The following LINGO2 variants were observed in gnomAD, a reference collection of about 807,000 sequenced individuals.
LINGO2 encodes leucine rich repeat and Ig domain containing 2.
In LINGO2, 14 loss-of-function variants were observed where a neutral mutation model predicts 30.6. The observed-to-expected ratio is 0.46, with a 90% CI of 0.30 to 0.72. The LOEUF is 0.72. LINGO2 is among the 30% of genes least tolerant of loss of function. The pLI is 0.07. For missense variants in LINGO2, 729 were observed against 751.7 expected, an observed-to-expected ratio of 0.97 and a Z score of 0.35; for synonymous variants, 317 against 288.5, an observed-to-expected ratio of 1.10 and a Z score of -1.00.
At position 28,220,194 on chromosome 9, in the gene LINGO2, CGT is replaced by C. The variant is rs1820907979; in HGVS notation, c.-87+75012_-87+75013del. On this transcript the variant is annotated intron_variant, in intron 4 of 5. Transcript: ENST00000379992. ...AAGGGACTAGAGAGTCTGGGATTTT[CGT>C]ATCTCTGGGAGTCCTGGAACCAATT... Among the ~76,000 whole-genome samples the C allele has an allele frequency of 1.1e-4, 17 of 152,144 alleles. No homozygotes were observed. The South Asian group carries it at 3.3e-3, about 30-fold the overall frequency.
At chr9:28,539,708 T>C (rs971304710) in intron 1 of LINGO2, among the ~76,000 whole-genome samples, 5 of 152,172 alleles carry the variant, frequency 3.3e-5, no homozygotes, top group African/African-American at 1.2e-4. Flanking sequence ...ATGAGGTGCA[T>C]AGATAAATCA....
At chr9:28,054,455 T>A (rs1587778833) in intron 4 of LINGO2, among the ~76,000 whole-genome samples, 1 of 152,138 alleles carries the variant, frequency 6.6e-6, no homozygotes, top group Non-Finnish European at 1.5e-5. Flanking sequence ...TACTGACATA[T>A]ATACACACAA....
chr9:28,187,473 G>A (rs554308408), intron 4 of LINGO2, among the ~76,000 whole-genome samples: 1 of 140,998 alleles, frequency 7.1e-6, no homozygotes, highest in Non-Finnish European at 1.5e-5. Flanking sequence ...CTGAGTGACA[G>A]AGCGAGACTC....
chr9:28,016,967 C>T (rs1822872329), intron 4 of LINGO2, among the ~76,000 whole-genome samples: 1 of 152,128 alleles, frequency 6.6e-6, no homozygotes, highest in South Asian at 2.1e-4. Context: ...CCAAAACCTG[C>T]AGCATATAAA....
intron 4 of LINGO2, among the ~76,000 whole-genome samples, chr9:28,190,380 C>A (rs1246823407): frequency 6.6e-6 from 1 of 152,112 alleles, no homozygotes; most frequent in Non-Finnish European, 1.5e-5. Flanking sequence ...TTGCAATGAA[C>A]CGAATATTTT....
chr9:28,944,757 AC>A, the LINGO2 span, among the ~76,000 whole-genome samples: 1 of 152,152 alleles, frequency 6.6e-6, no homozygotes, highest in African/African-American at 2.4e-5. Flanking sequence ...AAGCTTAATC[AC>A]TAATAATTGA....
the LINGO2 span, among the ~76,000 whole-genome samples, chr9:29,118,626 G>A: frequency 1.9e-3 from 293 of 152,242 alleles, 1 homozygote; most frequent in African/African-American, 6.7e-3. Flanking sequence ...CCCTGAGCAT[G>A]ATCCCAGCTA....
At chr9:29,030,225 A>G in the LINGO2 span, among the ~76,000 whole-genome samples, 1 of 152,114 alleles carries the variant, frequency 6.6e-6, no homozygotes, top group Non-Finnish European at 1.5e-5. Flanking sequence ...GAAAAGTATT[A>G]TTTTATCAGA....
At chr9:28,684,175 C>CTTTTTTTTTTTTTTTTTTT in the LINGO2 span, among the ~76,000 whole-genome samples, 1 of 45,430 alleles carries the variant, frequency 2.2e-5, no homozygotes, top group Non-Finnish European at 3.8e-5. Context: ...AAATGTTTAT[C>CTTTTTTTTTTTTTTTTTTT]TTTTTTTTTT....
chr9:28,630,788 C>G (rs1826900855), intron 1 of LINGO2, among the ~76,000 whole-genome samples: 1 of 152,094 alleles, frequency 6.6e-6, no homozygotes, highest in African/African-American at 2.4e-5. Context: ...GTAGAATCTA[C>G]AGCTAATACT....
chr9:28,104,610 C>A (rs1278008925), intron 4 of LINGO2, among the ~76,000 whole-genome samples: 2 of 151,682 alleles, frequency 1.3e-5, no homozygotes, highest in Admixed American at 6.6e-5. Context: ...GATGGAACAC[C>A]CTGACTCTCC....
At chr9:28,889,795 C>A in the LINGO2 span, among the ~76,000 whole-genome samples, 1 of 151,988 alleles carries the variant, frequency 6.6e-6, no homozygotes. Context: ...TCTAAGAAGA[C>A]AGGCTCAGTT....
At chr9:28,762,381 C>G in the LINGO2 span, among the ~76,000 whole-genome samples, 6 of 151,900 alleles carry the variant, frequency 3.9e-5, no homozygotes, top group Non-Finnish European at 7.4e-5. Context: ...CCATTTTACT[C>G]CCCCAAGGTG....
At chr9:28,443,201 C>T (rs1417982691) in intron 2 of LINGO2, among the ~76,000 whole-genome samples, 1 of 152,196 alleles carries the variant, frequency 6.6e-6, no homozygotes. Flanking sequence ...AAGGTTCTGG[C>T]TGGGTAAATA....
chr9:29,089,564 C>T, the LINGO2 span, among the ~76,000 whole-genome samples: 1 of 152,050 alleles, frequency 6.6e-6, no homozygotes, highest in Admixed American at 6.6e-5. Context: ...AGTTTATATA[C>T]TCTCATTCTC....
intron 2 of LINGO2, among the ~76,000 whole-genome samples, chr9:28,402,930 G>A (rs559016200): frequency 1.2e-4 from 18 of 152,176 alleles, no homozygotes; most frequent in South Asian, 1.0e-3. Context: ...AAATCACATC[G>A]GGTCTCTACC....
At chr9:27,969,743 G>C (rs1820266912) in intron 5 of LINGO2, among the ~76,000 whole-genome samples, 1 of 152,050 alleles carries the variant, frequency 6.6e-6, no homozygotes, top group South Asian at 2.1e-4. Context: ...AAAAAACCCT[G>C]AGTGGTAGGT....
intron 3 of LINGO2, among the ~76,000 whole-genome samples, chr9:28,348,145 C>G (rs1328913555): frequency 2.0e-5 from 3 of 151,960 alleles, no homozygotes; most frequent in Non-Finnish European, 4.4e-5. Context: ...GGTGGAGGAG[C>G]CAAGATGGCC....
chr9:28,327,358 G>A (rs1489415498), intron 3 of LINGO2, among the ~76,000 whole-genome samples: 3 of 152,116 alleles, frequency 2.0e-5, no homozygotes, highest in Non-Finnish European at 4.4e-5. Context: ...AAGAAGTCCC[G>A]AAAAAATGTT....
Sources: allele counts gnomAD v4.1 joint callset (sites outside exome capture counted in the v4.1 genomes callset), GRCh38; gene constraint gnomAD v4.1.1; transcripts MANE v1.5; gene names NCBI Gene and HGNC (gene_info 2026-07-23, HGNC 2026-07-21).